TTLL11: variants seen among roughly 807,000 people sequenced by gnomAD.
TTLL11 encodes tubulin polyglutamylase TTLL11.
TTLL11 carries 42 observed loss-of-function variants against 51.7 expected under a neutral mutation model. The observed-to-expected ratio is 0.81, with a 90% CI of 0.64 to 1.05. The LOEUF is 1.05. Among genes scored for constraint, TTLL11 ranks in the 50% least tolerant of loss-of-function variants. The pLI, the probability that TTLL11 is intolerant of heterozygous loss-of-function variation, is 0.00. For missense variants in TTLL11, 799 were observed against 940.4 expected, an observed-to-expected ratio of 0.85 and a Z score of 1.97; for synonymous variants, 381 against 383.5, an observed-to-expected ratio of 0.99 and a Z score of 0.08.
At chr9:122,025,530 G>A (rs1157977800) in intron 3 of TTLL11, among the ~76,000 whole-genome samples, 1 of 152,192 alleles carries the variant, frequency 6.6e-6, no homozygotes, top group African/African-American at 2.4e-5. Flanking sequence ...CTACTTGGGA[G>A]GATCGCTTGA....
At chr9:121,889,214 T>C (rs1483692723) in intron 6 of TTLL11, among the ~76,000 whole-genome samples, 1 of 151,950 alleles carries the variant, frequency 6.6e-6, no homozygotes, top group African/African-American at 2.4e-5. Flanking sequence ...TACCAAGTAA[T>C]CAAAGCCAGC....
At chr9:122,007,475 CAAAAAAAA>C (rs59238464) in intron 3 of TTLL11, among the ~76,000 whole-genome samples, 5 of 94,744 alleles carry the variant, frequency 5.3e-5, no homozygotes, top group African/African-American at 1.2e-4. Context: ...AATTCCATCT[CAAAAAAAA>C]AAAAAAAGAA....
intron 8 of TTLL11, among the ~76,000 whole-genome samples, chr9:121,858,108 T>A (rs1837883499): frequency 6.6e-6 from 1 of 152,256 alleles, no homozygotes; most frequent in Non-Finnish European, 1.5e-5. Context: ...ATCTGCCTAC[T>A]TCTCCTGAAG....
intron 6 of TTLL11, among the ~76,000 whole-genome samples, chr9:121,926,646 G>T (rs980990906): frequency 6.6e-6 from 1 of 152,158 alleles, no homozygotes; most frequent in African/African-American, 2.4e-5. Context: ...CGGGGCCAAG[G>T]CTCCATCAAC....
Position 121,826,547 on chromosome 9 carries a change from A to ATG in TTLL11, c.1841-3669_1841-3668insCA, listed in dbSNP as rs1564260568. Among the ~76,000 whole-genome samples, 11 of 35,070 alleles carry ATG rather than the reference A, an allele frequency of 3.1e-4. 1 individual carries two copies. Among genetic ancestry groups the ATG allele is most frequent in the South Asian group, 1.2e-3 (1 of 806 alleles). 23.0% of individuals were successfully genotyped at this position (35,070 alleles called of 152,430 possible). A position where few individuals can be genotyped will look rare whatever the true frequency, so the allele number is the denominator to read the frequency against. On this transcript the variant is annotated intron_variant, in intron 8 of 8. Coordinates refer to ENST00000321582, the MANE Select transcript of TTLL11 (RefSeq NM_001139442.2). ...TATATATGTGTGTGTGTATATATAT[A>ATG]TATGTGTGTGTATATATATATATAT...
At chr9:122,025,376 T>C (rs1433649716) in intron 3 of TTLL11, among the ~76,000 whole-genome samples, 1 of 152,236 alleles carries the variant, frequency 6.6e-6, no homozygotes, top group East Asian at 1.9e-4. Context: ...CTCACGCCTG[T>C]AATCCCAGCA....
At chr9:121,975,842 A>G (rs1217476822) in intron 4 of TTLL11, among the ~76,000 whole-genome samples, 2 of 152,222 alleles carry the variant, frequency 1.3e-5, no homozygotes, top group Non-Finnish European at 2.9e-5. Context: ...CCTCTTAGTT[A>G]AGAAGACAGG....
intron 6 of TTLL11, among the ~76,000 whole-genome samples, chr9:121,960,711 G>A (rs934137112): frequency 4.6e-5 from 7 of 152,146 alleles, no homozygotes; most frequent in Non-Finnish European, 8.8e-5. Context: ...ACCGGTCTAC[G>A]GTGCTGCAGA....
intron 4 of TTLL11, among the ~76,000 whole-genome samples, chr9:121,985,667 C>A (rs1165905378): frequency 6.6e-6 from 1 of 151,904 alleles, no homozygotes; most frequent in African/African-American, 2.4e-5. Flanking sequence ...CAGGTGCCTG[C>A]CTCAACACCC....
At chr9:121,935,232 C>T (rs1208003515) in intron 6 of TTLL11, among the ~76,000 whole-genome samples, 1 of 152,142 alleles carries the variant, frequency 6.6e-6, no homozygotes, top group African/African-American at 2.4e-5. Context: ...GCTGGGATTA[C>T]AAGCGTGAGC....
At chr9:121,860,780 T>C (rs1169653565) in intron 7 of TTLL11, among the ~76,000 whole-genome samples, 1 of 152,226 alleles carries the variant, frequency 6.6e-6, no homozygotes, top group Non-Finnish European at 1.5e-5. Flanking sequence ...CACCTTGATC[T>C]TGGTCTTCCC....
chr9:121,920,354 G>A (rs995685236), intron 6 of TTLL11, among the ~76,000 whole-genome samples: 3 of 152,104 alleles, frequency 2.0e-5, no homozygotes, highest in African/African-American at 7.2e-5. Context: ...TCCCATTGCA[G>A]GGTAGCACAA....
intron 3 of TTLL11, among the ~76,000 whole-genome samples, chr9:122,013,669 G>T (rs369738457): frequency 3.3e-5 from 5 of 152,186 alleles, no homozygotes; most frequent in Non-Finnish European, 5.9e-5. Context: ...CACCTGGGAG[G>T]GGGTGAAGCT....
rs1491163835 is a variant in TTLL11, at chr9:121,826,217, T to TACACACACAC, written c.1841-3339_1841-3338insGTGTGTGTGT. On this transcript the variant is annotated intron_variant, in intron 8 of 8. Transcript: ENST00000321582. ...ATATATATATATATATATATATATA[T>TACACACACAC]GCACACATATATATATACACGCACA... 3.2e-3 allele frequency among the ~76,000 whole-genome samples: 187 copies of TACACACACAC among 58,102 alleles called. 21 individuals carry two copies. Among genetic ancestry groups the TACACACACAC allele is most frequent in the African/African-American group, 0.013 (172 of 13,474 alleles). 38.1% of individuals were successfully genotyped at this position (58,102 alleles called of 152,430 possible).
chr9:121,856,777 C>T (rs1588073481), intron 8 of TTLL11, among the ~76,000 whole-genome samples: 1 of 152,318 alleles, frequency 6.6e-6, no homozygotes. Context: ...GCATGGCACC[C>T]ACACCTCCAG....
intron 6 of TTLL11, among the ~76,000 whole-genome samples, chr9:121,950,955 A>C (rs1240714123): frequency 6.6e-6 from 1 of 152,174 alleles, no homozygotes; most frequent in Non-Finnish European, 1.5e-5. Flanking sequence ...GATGTTGATG[A>C]TGATGACGAG....
At chr9:121,979,600 C>G (rs1287089688) in intron 4 of TTLL11, among the ~76,000 whole-genome samples, 1 of 152,198 alleles carries the variant, frequency 6.6e-6, no homozygotes, top group Non-Finnish European at 1.5e-5. Flanking sequence ...CTTTCTAGAC[C>G]TGGCCCATCC....
chr9:122,005,979 A>C (rs1181604172), intron 3 of TTLL11, among the ~76,000 whole-genome samples: 1 of 152,234 alleles, frequency 6.6e-6, no homozygotes, highest in Non-Finnish European at 1.5e-5. Context: ...CTCTAACTCC[A>C]TGTTACATAT....
chr9:121,972,111 C>A (rs1339569571), intron 6 of TTLL11, among the ~76,000 whole-genome samples: 3 of 150,234 alleles, frequency 2.0e-5, no homozygotes. Flanking sequence ...GCACATGTAT[C>A]CCAGAACTTA....
Sources: allele counts gnomAD v4.1 joint callset (sites outside exome capture counted in the v4.1 genomes callset), GRCh38; gene constraint gnomAD v4.1.1; transcripts MANE v1.5; gene names NCBI Gene and HGNC (gene_info 2026-07-23, HGNC 2026-07-21).